Variants in ABL1 observed in about 807,000 individuals in gnomAD.
ABL1 encodes the protein tyrosine-protein kinase ABL1.
ABL1 carries 11 observed loss-of-function variants against 94.7 expected under a neutral mutation model. That is an observed-to-expected ratio of 0.12 (90% confidence interval 0.07 to 0.19). The LOEUF (loss-of-function observed/expected upper bound fraction) is 0.19. ABL1 is among the 10% of genes least tolerant of loss of function. ABL1 has a pLI of 1.00. For synonymous variants in ABL1, 656 were observed against 622.4 expected (o/e 1.05, Z -0.80); for missense variants, 1,082 against 1,489.4 (o/e 0.73, Z 4.50).
At chr9:130,858,231 T>G (rs900880766) in intron 3 of ABL1, among the ~76,000 whole-genome samples, 25 of 151,776 alleles carry the variant, frequency 1.6e-4, no homozygotes, top group African/African-American at 6.1e-4. Context: ...AAAATACTGT[T>G]CAAATGGGCA....
intron 1 of ABL1, among the ~76,000 whole-genome samples, chr9:130,839,447 G>C (rs1019252053): frequency 7.9e-5 from 12 of 152,254 alleles, no homozygotes; most frequent in African/African-American, 2.6e-4. Context: ...CCTAATAAAA[G>C]GCCAGTCTGT....
At chr9:130,816,951 C>T (rs943275181) in intron 1 of ABL1, among the ~76,000 whole-genome samples, 2 of 152,200 alleles carry the variant, frequency 1.3e-5, no homozygotes, top group Admixed American at 1.3e-4. Flanking sequence ...GTGATTCCCC[C>T]CGCCTTGGCC....
At chr9:130,764,057 G>T (rs1832151113) in intron 1 of ABL1, among the ~76,000 whole-genome samples, 1 of 152,178 alleles carries the variant, frequency 6.6e-6, no homozygotes, top group African/African-American at 2.4e-5. Context: ...CGTTTGGGAG[G>T]TGAGGGTGTT....
intron 3 of ABL1, among the ~76,000 whole-genome samples, chr9:130,856,691 A>G (rs1351076751): frequency 6.6e-6 from 1 of 152,168 alleles, no homozygotes; most frequent in African/African-American, 2.4e-5. Context: ...TGGTATATAG[A>G]TGTTTATGTG....
In ABL1 at chr9:130,835,586, C is replaced by T; in HGVS notation, c.79+61C>T. 1 of 1,434,402 alleles carries T rather than the reference C, an allele frequency of 7.0e-7. No homozygotes were observed. The highest frequency in any genetic ancestry group is 1.2e-5 in the South Asian group (1 of 81,382). The allele number at this position is 1,434,402 out of a possible 1,614,324, so 88.9% of individuals were successfully genotyped here. A position where few individuals can be genotyped will look rare whatever the true frequency, so the allele number is the denominator to read the frequency against. On this transcript the variant is annotated intron_variant, in intron 1 of 10. Transcript: ENST00000318560. The surrounding 1 kb of genome is among the most constrained non-coding windows in gnomAD (Gnocchi z 4.6). ...GCGCGCCCTCCCGCTGCTGCTGGGCCCTTCCTAGGCCTCGCCGCCCGCGCG... is the reference window on the plus strand; with the variant it reads ...GCGCGCCCTCCCGCTGCTGCTGGGCTCTTCCTAGGCCTCGCCGCCCGCGCG...
intron 1 of ABL1, among the ~76,000 whole-genome samples, chr9:130,763,603 TCA>T (rs1280228498): frequency 6.6e-6 from 1 of 152,216 alleles, no homozygotes; most frequent in East Asian, 1.9e-4. Context: ...GATGGCTCAC[TCA>T]CAGGGCTGGC....
intron 1 of ABL1, among the ~76,000 whole-genome samples, chr9:130,747,143 G>A (rs981580749): frequency 2.0e-5 from 3 of 152,090 alleles, no homozygotes; most frequent in African/African-American, 7.2e-5. Flanking sequence ...GGGAAGCCGA[G>A]GAGGGCAGAT....
intron 1 of ABL1, among the ~76,000 whole-genome samples, chr9:130,727,233 G>A (rs1443131071): frequency 7.3e-6 from 1 of 137,710 alleles, no homozygotes; most frequent in Non-Finnish European, 1.7e-5. Context: ...GCTTTGCTGA[G>A]GTTTTTTTTT....
At chr9:130,716,956 T>C (rs995700852) in intron 1 of ABL1, among the ~76,000 whole-genome samples, 2 of 151,746 alleles carry the variant, frequency 1.3e-5, no homozygotes, top group Non-Finnish European at 2.9e-5. Flanking sequence ...TAGAGATTGG[T>C]GGTAATATTT....
chr9:130,788,343 G>C (rs1829859002), intron 1 of ABL1, among the ~76,000 whole-genome samples: 1 of 152,096 alleles, frequency 6.6e-6, no homozygotes, highest in African/African-American at 2.4e-5. Context: ...CCTTCTATAT[G>C]TGTATGGGTA....
intron 1 of ABL1, among the ~76,000 whole-genome samples, chr9:130,771,240 G>GTGTATGTATGTATGTATGTATGTA (rs60782706): frequency 4.3e-4 from 66 of 151,806 alleles, no homozygotes; most frequent in African/African-American, 1.6e-3. Context: ...ATGTGTGTGT[G>GTGTATGTATGTATGTATGTATGTA]TGTATGTATG....
At chr9:130,879,404 CT>C (rs1831414331) in intron 8 of ABL1, among the ~76,000 whole-genome samples, 1 of 152,194 alleles carries the variant, frequency 6.6e-6, no homozygotes, top group African/African-American at 2.4e-5. Context: ...ATCCGGTCCT[CT>C]TTTGATGTGC....
At chr9:130,815,207 G>A (rs959298553) in intron 1 of ABL1, among the ~76,000 whole-genome samples, 2 of 151,922 alleles carry the variant, frequency 1.3e-5, no homozygotes, top group South Asian at 2.1e-4. Context: ...GATAGCACAC[G>A]CCTGTAATCC....
At chr9:130,725,443 C>T (rs553931843) in intron 1 of ABL1, among the ~76,000 whole-genome samples, 2 of 152,096 alleles carry the variant, frequency 1.3e-5, no homozygotes, top group Non-Finnish European at 2.9e-5. Context: ...TGCAATGGCG[C>T]GATCTCGGCT....
chr9:130,877,175 A>T (rs35503499), intron 7 of ABL1, among the ~76,000 whole-genome samples: 1,785 of 148,018 alleles, frequency 0.012, 267 homozygotes, highest in African/African-American at 0.043. Context: ...ACTTCACATT[A>T]GCTCCTAGTC....
At chr9:130,713,057 G>A (rs1349081979) in exon 1 of ABL1, among the ~76,000 whole-genome samples, 1 of 152,218 alleles carries the variant, frequency 6.6e-6, no homozygotes, top group Non-Finnish European at 1.5e-5. Flanking sequence ...CATCATGGCG[G>A]CCGCGGGGTT....
chr9:130,830,598 T>C (rs1196977451), upstream of ABL1, among the ~76,000 whole-genome samples: 2 of 152,342 alleles, frequency 1.3e-5, no homozygotes, highest in Middle Eastern at 3.4e-3. Context: ...CATTTTCATA[T>C]AGCATGTTTG....
intron 1 of ABL1, among the ~76,000 whole-genome samples, chr9:130,752,108 C>G (rs11244120): frequency 6.6e-6 from 1 of 151,932 alleles, no homozygotes; most frequent in Non-Finnish European, 1.5e-5. Flanking sequence ...GAATGTGCAC[C>G]AGAACATTTT....
At chr9:130,855,661 G>A (rs1830962574) in intron 3 of ABL1, among the ~76,000 whole-genome samples, 1 of 152,042 alleles carries the variant, frequency 6.6e-6, no homozygotes, top group South Asian at 2.1e-4. Context: ...TAAGGGAGGT[G>A]GCCTATATGA....
Sources: allele counts gnomAD v4.1 joint callset (sites outside exome capture counted in the v4.1 genomes callset), GRCh38; gene constraint gnomAD v4.1.1; non-coding constraint Gnocchi (gnomAD v3.1); transcripts MANE v1.5; gene names NCBI Gene and HGNC (gene_info 2026-07-23, HGNC 2026-07-21).